The following PRKCB variants were observed in gnomAD, a reference collection of about 807,000 sequenced individuals.
The protein encoded by PRKCB is protein kinase C beta, also known as protein kinase C beta type.
PRKCB carries 13 observed loss-of-function variants against 81.5 expected under a neutral mutation model. The ratio of observed to expected loss-of-function variants is 0.16; its 90% CI spans 0.10 to 0.25. The LOEUF (loss-of-function observed/expected upper bound fraction) is 0.25. Among genes scored for constraint, PRKCB ranks in the 10% least tolerant of loss-of-function variants. PRKCB has a pLI of 1.00. For synonymous variants in PRKCB, 335 were observed against 321.4 expected, an observed-to-expected ratio of 1.04 and a Z score of -0.45; for missense variants, 509 against 875.7, an observed-to-expected ratio of 0.58 and a Z score of 5.29.
At chr16:23,992,491 C>T (rs1396118370) in intron 3 of PRKCB, among the ~76,000 whole-genome samples, 1 of 152,136 alleles carries the variant, frequency 6.6e-6, no homozygotes, top group African/African-American at 2.4e-5. Flanking sequence ...AAGCAAGGAG[C>T]CAAGTGATTC....
intron 2 of PRKCB, among the ~76,000 whole-genome samples, chr16:23,864,398 C>G (rs1267677597): frequency 6.6e-6 from 1 of 152,140 alleles, no homozygotes. Flanking sequence ...TTGAGACCAG[C>G]CAGGGCAGTA....
chr16:24,208,954 C>T (rs1489337369), intron 16 of PRKCB, among the ~76,000 whole-genome samples: 4 of 152,166 alleles, frequency 2.6e-5, no homozygotes, highest in Admixed American at 2.6e-4. Context: ...TCTTGTGTCT[C>T]CTCTGTGCTA....
At chr16:23,923,264 G>T (rs954612311) in intron 2 of PRKCB, among the ~76,000 whole-genome samples, 6 of 151,984 alleles carry the variant, frequency 3.9e-5, no homozygotes, top group Admixed American at 2.6e-4. Flanking sequence ...TCCAGGACAT[G>T]GTTTCCTTTA....
intron 3 of PRKCB, among the ~76,000 whole-genome samples, chr16:24,030,462 C>T (rs1172060328): frequency 6.6e-6 from 1 of 152,148 alleles, no homozygotes; most frequent in Admixed American, 6.5e-5. Flanking sequence ...GCTTATGCTG[C>T]TTGCTATGTG....
At chr16:23,903,755 A>G (rs888838666) in intron 2 of PRKCB, among the ~76,000 whole-genome samples, 15 of 152,178 alleles carry the variant, frequency 9.9e-5, no homozygotes, top group African/African-American at 3.6e-4. Context: ...TTCTCTTTAC[A>G]TGGTGAGCTC....
intron 10 of PRKCB, 115 bp downstream of exon 10, chr16:24,154,972 C>G: frequency 1.6e-6 from 2 of 1,249,654 alleles, no homozygotes; most frequent in Non-Finnish European, 2.2e-6. Flanking sequence ...TTTCTAGACA[C>G]AGAAAGATGT....
chr16:23,948,531 G>A (rs1260107280), intron 2 of PRKCB, among the ~76,000 whole-genome samples: 3 of 152,044 alleles, frequency 2.0e-5, no homozygotes, highest in Non-Finnish European at 2.9e-5. Context: ...AGCCTCCCAG[G>A]TAGCTGGGAT....
At chr16:24,073,597 A>G (rs1966141939) in intron 5 of PRKCB, among the ~76,000 whole-genome samples, 1 of 152,144 alleles carries the variant, frequency 6.6e-6, no homozygotes, top group Admixed American at 6.5e-5. Context: ...GACCTCTCAA[A>G]TTGCTGGGAT....
chr16:23,981,150 C>T (rs111647837), intron 2 of PRKCB, among the ~76,000 whole-genome samples: 1,538 of 152,216 alleles, frequency 0.01, 26 homozygotes, highest in African/African-American at 0.035. Flanking sequence ...GCAGGTCTTC[C>T]GGGGCTGAAA....
At position 23,990,394 on chromosome 16, in the gene PRKCB, C is replaced by T. The variant is rs562893970; in HGVS notation, c.288+1804C>T. On this transcript the variant is annotated intron_variant, in intron 3 of 16. Coordinates refer to ENST00000643927, the MANE Select transcript of PRKCB (RefSeq NM_002738.7). ...AATGGCGTGAACCTGGGAGGCAGAG[C>T]TTGCAGTAAGCGGAGATCGCACCAC... Among the ~76,000 whole-genome samples the T allele has an allele frequency of 3.3e-5, 5 of 151,450 alleles. No individual in the cohort carries two copies. In the East Asian group the frequency reaches 9.7e-4, roughly 29 times the overall value.
chr16:24,117,829 C>T (rs35852487), intron 8 of PRKCB, among the ~76,000 whole-genome samples: 49,245 of 152,056 alleles, frequency 0.32, 8,775 homozygotes, highest in East Asian at 0.71. Context: ...CTCAAGTCAG[C>T]GCGGAATGCA....
At chr16:24,058,936 T>A (rs1306828955) in intron 5 of PRKCB, among the ~76,000 whole-genome samples, 1 of 75,616 alleles carries the variant, frequency 1.3e-5, no homozygotes, top group Non-Finnish European at 2.5e-5. Flanking sequence ...ATTAAGGAAG[T>A]GGAAGGATAA....
intron 5 of PRKCB, among the ~76,000 whole-genome samples, chr16:24,061,318 C>G (rs754466449): frequency 8.5e-5 from 13 of 152,138 alleles, no homozygotes; most frequent in Non-Finnish European, 1.6e-4. Flanking sequence ...ACTTTGGCCC[C>G]GCAAAGTGCT....
chr16:24,200,042 G>A (rs1185482523), intron 16 of PRKCB, among the ~76,000 whole-genome samples: 2 of 152,172 alleles, frequency 1.3e-5, no homozygotes, highest in East Asian at 3.8e-4. Flanking sequence ...CAAATAAGTA[G>A]CATCTTCACA....
intron 10 of PRKCB, among the ~76,000 whole-genome samples, chr16:24,169,193 CTG>C (rs1306954794): frequency 6.6e-6 from 1 of 152,140 alleles, no homozygotes; most frequent in Non-Finnish European, 1.5e-5. Context: ...AACCTTCTGA[CTG>C]TATGAATGCT....
chr16:23,934,863 T>G (rs1433620622), intron 2 of PRKCB, among the ~76,000 whole-genome samples: 1 of 152,132 alleles, frequency 6.6e-6, no homozygotes, highest in Admixed American at 6.5e-5. Flanking sequence ...AGGAGTGTGA[T>G]CCACATTCTC....
intron 2 of PRKCB, among the ~76,000 whole-genome samples, chr16:23,903,455 C>G (rs1173621326): frequency 6.6e-6 from 1 of 152,006 alleles, no homozygotes; most frequent in Non-Finnish European, 1.5e-5. Context: ...CATGAACAAT[C>G]AGAAATGCCT....
In PRKCB at chr16:23,900,718, G is replaced by GTTTTTTTTTTTTTTTT. The variant is rs56897816; in HGVS notation, c.205+63329_205+63344dup. Reference sequence around the variant, plus strand: ...CTCATTCATTTTAACAGCTGCACAGGTTTTTTTTTTTTTTTTTTTTTTTTT... The same window carrying GTTTTTTTTTTTTTTTT: ...CTCATTCATTTTAACAGCTGCACAGGTTTTTTTTTTTTTTTTTTTTTTTTTTTTTTTTTTTTTTTTT... On this transcript the variant is annotated intron_variant, in intron 2 of 16. Coordinates refer to ENST00000643927, the MANE Select transcript of PRKCB (RefSeq NM_002738.7). Among the ~76,000 whole-genome samples, 12 of 62,266 alleles carry GTTTTTTTTTTTTTTTT rather than the reference G, an allele frequency of 1.9e-4. 1 individual carries two copies. Among genetic ancestry groups the GTTTTTTTTTTTTTTTT allele is most frequent in the African/African-American group, 7.7e-4 (11 of 14,276 alleles). 40.8% of individuals were successfully genotyped at this position (62,266 alleles called of 152,430 possible). A position where few individuals can be genotyped will look rare whatever the true frequency, so the allele number is the denominator to read the frequency against.
chr16:24,120,734 A>G (rs1053906576), intron 8 of PRKCB, among the ~76,000 whole-genome samples: 1 of 103,838 alleles, frequency 9.6e-6, no homozygotes, highest in South Asian at 3.5e-4. Context: ...AACTGAGTCC[A>G]TCATTTTTTT....
Sources: allele counts gnomAD v4.1 joint callset (sites outside exome capture counted in the v4.1 genomes callset), GRCh38; gene constraint gnomAD v4.1.1; transcripts MANE v1.5; gene names NCBI Gene and HGNC (gene_info 2026-07-23, HGNC 2026-07-21).